OLFML2A: variants seen among roughly 807,000 people sequenced by gnomAD.
The protein encoded by OLFML2A is olfactomedin like 2A.
A neutral mutation model predicts 60.9 loss-of-function variants in OLFML2A; 47 were observed. The observed-to-expected ratio is 0.77, with a 90% CI of 0.61 to 0.98. The LOEUF is 0.98. Ranked by LOEUF, OLFML2A falls within the 50% of genes least tolerant of loss-of-function variation. OLFML2A has a pLI of 0.00. For synonymous variants in OLFML2A, 372 were observed against 375.0 expected (o/e 0.99, Z 0.09); for missense variants, 922 against 879.8 (o/e 1.05, Z -0.61).
chr9:124,798,551 C>T (rs184973991), intron 3 of OLFML2A, among the ~76,000 whole-genome samples: 1 of 149,600 alleles, frequency 6.7e-6, no homozygotes, highest in Admixed American at 6.7e-5. Context: ...AGGGACTGGG[C>T]GGCTGGGTGC....
At chr9:124,801,340 A>G in intron 4 of OLFML2A, 74 bp from the exon 5 acceptor site, 1 of 1,514,176 alleles carries the variant, frequency 6.6e-7, no homozygotes, top group Non-Finnish European at 9.1e-7. Context: ...CAGTCCCCAC[A>G]TGCTGAGCCC....
intron 6 of OLFML2A, among the ~76,000 whole-genome samples, chr9:124,805,516 G>T (rs754162605): frequency 2.0e-5 from 3 of 152,078 alleles, no homozygotes; most frequent in Middle Eastern, 3.4e-3. Context: ...ACATAAAACT[G>T]TATACTCACA....
At chr9:124,801,763 C>A in intron 5 of OLFML2A, 100 bp downstream of exon 5, 1 of 1,295,582 alleles carries the variant, frequency 7.7e-7, no homozygotes, top group Non-Finnish European at 1.1e-6. Flanking sequence ...GATTCAGTTC[C>A]ACCCATTGAT....
intron 4 of OLFML2A, among the ~76,000 whole-genome samples, chr9:124,800,128 C>A (rs536600621): frequency 9.9e-5 from 15 of 152,216 alleles, no homozygotes; most frequent in Non-Finnish European, 2.1e-4. Context: ...CTGGTTCTCC[C>A]TCTGAGCAGA....
intron 2 of OLFML2A, among the ~76,000 whole-genome samples, chr9:124,792,973 A>G (rs1841596121): frequency 1.3e-5 from 2 of 152,238 alleles, no homozygotes; most frequent in African/African-American, 4.8e-5. Context: ...CACTGAGCCT[A>G]TCTTTGCTTC....
chr9:124,808,289 C>G (rs1364821547), intron 7 of OLFML2A, among the ~76,000 whole-genome samples: 1 of 152,240 alleles, frequency 6.6e-6, no homozygotes, highest in Non-Finnish European at 1.5e-5. Flanking sequence ...AACGCTTACC[C>G]TGTGCTGATC....
chr9:124,778,212 G>T (rs1452745081), intron 1 of OLFML2A, among the ~76,000 whole-genome samples: 1 of 151,762 alleles, frequency 6.6e-6, no homozygotes, highest in African/African-American at 2.4e-5. Context: ...ACAAAAAAAA[G>T]TAGCCAGGCA....
At chr9:124,805,195 G>A (rs956177326) in intron 6 of OLFML2A, among the ~76,000 whole-genome samples, 1 of 151,982 alleles carries the variant, frequency 6.6e-6, no homozygotes, top group Non-Finnish European at 1.5e-5. Flanking sequence ...CCTTCCGAAG[G>A]GATCTTGGCT....
At chr9:124,807,223 C>T (rs759203041) in intron 6 of OLFML2A, among the ~76,000 whole-genome samples, 8 of 151,696 alleles carry the variant, frequency 5.3e-5, no homozygotes, top group East Asian at 1.9e-4. Flanking sequence ...TGTGCCTGGC[C>T]GAGTTTGACT....
rs1842062254 is a variant in OLFML2A at position 124,813,630 on chromosome 9, G to A, written c.*3218G>A. 6.6e-6 allele frequency: 1 copy of A among 152,206 alleles called. No homozygotes were observed. Among genetic ancestry groups the A allele is most frequent in the Admixed American group, 6.5e-5 (1 of 15,278 alleles). The allele number at this position is 152,206 out of a possible 1,614,324, so 9.4% of individuals were successfully genotyped here. ...TGCATCCACAGAGAAGCCCCAAGAA[G>A]GAGGTTGGGGCCAGCTCATAAAAAG... On this transcript the variant is annotated 3_prime_UTR_variant, in exon 8 of 8. Coordinates refer to ENST00000373580, the MANE Select transcript of OLFML2A (RefSeq NM_182487.4).
chr9:124,781,245 A>G (rs1019051725), intron 1 of OLFML2A, among the ~76,000 whole-genome samples: 1 of 152,150 alleles, frequency 6.6e-6, no homozygotes, highest in African/African-American at 2.4e-5. Context: ...ATTTAGGATG[A>G]AGGGTCAGAA....
chr9:124,785,418 G>C (rs910078942), intron 1 of OLFML2A, among the ~76,000 whole-genome samples: 2 of 84,774 alleles, frequency 2.4e-5, no homozygotes, highest in Admixed American at 3.7e-4. Flanking sequence ...TTTTTTTTGA[G>C]ACGGAGTCTC....
At position 124,801,463 on chromosome 9, in the gene OLFML2A, A is replaced by C; in HGVS notation, c.719A>C (p.Gln240Pro). 2 of 1,614,136 alleles carry C rather than the reference A, an allele frequency of 1.2e-6. No homozygotes were observed. The highest frequency in any genetic ancestry group is 1.7e-6 in the Non-Finnish European group (2 of 1,180,014). ...GKDISKYGSV[Q>P]KSFADRGLPK... ...GACATCAGCAAGTATGGCAGTGTGC[A>C]GAAAAGCTTTGCAGACAGAGGCCTC... Residue 240 changes from glutamine (Q) to proline (P), a missense_variant, in exon 5 of 8, where the codon CAG becomes CCG. Physicochemically the swap from Gln to Pro is moderately conservative, Grantham distance 76. Transcript: ENST00000373580.
chr9:124,800,922 T>C, intron 4 of OLFML2A: 3 of 1,539,310 alleles, frequency 1.9e-6, no homozygotes, highest in Non-Finnish European at 2.6e-6. Flanking sequence ...TGCCTGGGAC[T>C]TGAGGGTTTT....
chr9:124,791,374 T>C (rs1477507774), intron 2 of OLFML2A, among the ~76,000 whole-genome samples: 1 of 152,188 alleles, frequency 6.6e-6, no homozygotes, highest in African/African-American at 2.4e-5. Context: ...GGCCAGTTTT[T>C]TAAAGATTAA....
intron 2 of OLFML2A, among the ~76,000 whole-genome samples, chr9:124,787,824 G>C (rs1841505300): frequency 6.6e-6 from 1 of 151,836 alleles, no homozygotes; most frequent in Non-Finnish European, 1.5e-5. Context: ...CTCCCAAAGT[G>C]CTGGGATTAG....
At chr9:124,803,972 C>T in intron 5 of OLFML2A, 122 bp from the exon 6 acceptor site, 1 of 1,068,212 alleles carries the variant, frequency 9.4e-7, no homozygotes, top group Admixed American at 2.6e-5. Flanking sequence ...TGAGGAGGCC[C>T]TGAGGAGGCC....
chr9:124,791,309 G>A (rs772465434), intron 2 of OLFML2A, among the ~76,000 whole-genome samples: 3 of 152,304 alleles, frequency 2.0e-5, no homozygotes, highest in East Asian at 1.9e-4. Flanking sequence ...CTCTGGCCAC[G>A]CCAGCACCTG....
At chr9:124,786,199 G>C (rs1485767173) in intron 1 of OLFML2A, among the ~76,000 whole-genome samples, 1 of 152,088 alleles carries the variant, frequency 6.6e-6, no homozygotes, top group Non-Finnish European at 1.5e-5. Context: ...GAAGAGGGAG[G>C]GTCACTTGAG....
Sources: gnomAD v4.1 joint callset for allele counts (sites outside exome capture counted in the v4.1 genomes callset) on GRCh38, gnomAD v4.1.1 for gene constraint, MANE v1.5 for transcripts, NCBI Gene and HGNC (gene_info 2026-07-23, HGNC 2026-07-21) for gene names.